CFHR5: variants seen among roughly 807,000 people sequenced by gnomAD.
CFHR5 encodes the protein complement factor H related 5.
A neutral mutation model predicts 62.9 loss-of-function variants in CFHR5; 73 were observed. The observed-to-expected ratio is 1.16, with a 90% CI of 0.96 to 1.41. CFHR5 has a LOEUF of 1.41. CFHR5 is among the 40% of genes most tolerant of loss of function. The pLI is 0.00. For synonymous variants in CFHR5, 249 were observed against 227.2 expected, an observed-to-expected ratio of 1.10 and a Z score of -0.86; for missense variants, 779 against 679.9, an observed-to-expected ratio of 1.15 and a Z score of -1.62.
rs576772235 is a variant in CFHR5, at chr1:196,998,888, G to A, written c.1147+584G>A. Among the ~76,000 whole-genome samples, 99 of 152,018 alleles carry A rather than the reference G, an allele frequency of 6.5e-4. No homozygotes were observed. In the Middle Eastern group the frequency reaches 0.01, roughly 16 times the overall value. On this transcript the variant is annotated intron_variant, in intron 7 of 9. Coordinates refer to ENST00000256785, the MANE Select transcript of CFHR5 (RefSeq NM_030787.4). ...GAAAACAAAGTGCTTATAAAGGAAT[G>A]ACAATAAAAGAGAGAAGATAGACTG...
At chr1:196,987,610 T>G (rs1653727911) in intron 3 of CFHR5, among the ~76,000 whole-genome samples, 1 of 152,218 alleles carries the variant, frequency 6.6e-6, no homozygotes, top group South Asian at 2.1e-4. Flanking sequence ...CACCATTTAT[T>G]AAATAGGGAA....
chr1:196,995,857 CAAT>C lies in CFHR5; in HGVS notation c.749_751del (p.Gln250_Cys251delinsArg), dbSNP rs1242626142. On this transcript the variant is annotated inframe_deletion, in exon 5 of 10. Transcript: ENST00000256785. ...TATAATAAACGGGCCTAAGAAAATA[CAAT>C]GTGTGGATGGAGAATGGACAACTTT... The C allele has an allele frequency of 1.2e-6, 2 of 1,613,222 alleles. No individual in the cohort carries two copies. Among genetic ancestry groups the C allele is most frequent in the Admixed American group, 3.3e-5 (2 of 59,934 alleles).
chr1:196,997,803 T>A (rs1654034152), intron 6 of CFHR5, among the ~76,000 whole-genome samples: 1 of 152,172 alleles, frequency 6.6e-6, no homozygotes, highest in Non-Finnish European at 1.5e-5. Context: ...AAAACAATCA[T>A]ACATGTGTAC....
chr1:196,982,072 G>T (rs1653557040), intron 1 of CFHR5, among the ~76,000 whole-genome samples: 1 of 150,898 alleles, frequency 6.6e-6, no homozygotes, highest in Non-Finnish European at 1.5e-5. Flanking sequence ...AAAGTAATCA[G>T]AATATTAATA....
chr1:196,989,130 C>A (rs1182687414), intron 3 of CFHR5, among the ~76,000 whole-genome samples: 20 of 152,206 alleles, frequency 1.3e-4, no homozygotes, highest in African/African-American at 4.8e-4. Context: ...TTATCCATTT[C>A]TTCTAGATTT....
intron 3 of CFHR5, among the ~76,000 whole-genome samples, chr1:196,988,995 G>A (rs1417713284): frequency 1.3e-5 from 2 of 151,564 alleles, no homozygotes; most frequent in African/African-American, 4.9e-5. Context: ...GAATCTGTCT[G>A]GTCCTGAACT....
chr1:196,975,511 A>G (rs1326805415), upstream of CFHR5, among the ~76,000 whole-genome samples: 2 of 152,220 alleles, frequency 1.3e-5, no homozygotes, highest in Non-Finnish European at 2.9e-5. Flanking sequence ...TCTGGTAGAG[A>G]CCATAACAAG....
chr1:197,006,998 G>A (rs141105172), intron 9 of CFHR5, among the ~76,000 whole-genome samples: 2,038 of 151,670 alleles, frequency 0.013, 42 homozygotes, highest in African/African-American at 0.045. Context: ...CACCATGCCC[G>A]GCTAATTTTT....
At chr1:196,991,305 C>A (rs1012767048) in intron 3 of CFHR5, among the ~76,000 whole-genome samples, 1 of 152,088 alleles carries the variant, frequency 6.6e-6, no homozygotes, top group Non-Finnish European at 1.5e-5. Context: ...GCGATGGGTT[C>A]AAACATCCTC....
intron 4 of CFHR5, among the ~76,000 whole-genome samples, chr1:196,994,729 C>G (rs996124428): frequency 2.0e-5 from 3 of 152,064 alleles, no homozygotes; most frequent in Non-Finnish European, 2.9e-5. Flanking sequence ...TCCCTTTTCA[C>G]AATGCTGATA....
intron 7 of CFHR5, among the ~76,000 whole-genome samples, chr1:197,000,085 T>G (rs1333733487): frequency 1.3e-5 from 2 of 151,494 alleles, no homozygotes; most frequent in Non-Finnish European, 2.9e-5. Context: ...AAAACTGAAA[T>G]ACAGGGAATA....
chr1:196,990,867 A>AT (rs1433843749), intron 3 of CFHR5, among the ~76,000 whole-genome samples: 1 of 151,860 alleles, frequency 6.6e-6, no homozygotes, highest in Non-Finnish European at 1.5e-5. Context: ...CTCGAGGAGT[A>AT]TTTTTTTGGT....
intron 7 of CFHR5, among the ~76,000 whole-genome samples, chr1:197,000,533 G>C (rs1416216152): frequency 6.6e-6 from 1 of 152,152 alleles, no homozygotes; most frequent in Non-Finnish European, 1.5e-5. Context: ...AATAGTATAT[G>C]TGTGATATTT....
chr1:196,992,607 C>T (rs1316676232), intron 3 of CFHR5, among the ~76,000 whole-genome samples: 1 of 152,154 alleles, frequency 6.6e-6, no homozygotes, highest in East Asian at 1.9e-4. Context: ...TCTTCTGCAT[C>T]GATCACGCTG....
At chr1:196,981,969 T>C (rs1272543490) in intron 1 of CFHR5, among the ~76,000 whole-genome samples, 1 of 152,106 alleles carries the variant, frequency 6.6e-6, no homozygotes, top group Non-Finnish European at 1.5e-5. Flanking sequence ...TACCAGAATT[T>C]AGCTCTAATT....
At chr1:196,994,301 A>G (rs1225813040) in intron 4 of CFHR5, 45 bp downstream of exon 4, 3 of 1,414,142 alleles carry the variant, frequency 2.1e-6, no homozygotes, top group East Asian at 2.3e-5. Context: ...TTTGATTTTT[A>G]TAATAATGCC....
intron 7 of CFHR5, among the ~76,000 whole-genome samples, chr1:196,998,741 G>A (rs905417859): frequency 1.3e-5 from 2 of 151,992 alleles, no homozygotes; most frequent in Admixed American, 6.6e-5. Flanking sequence ...ATTTCCCTAA[G>A]AAAAAGTCTC....
rs934983906 is a variant in CFHR5, at chr1:196,983,078, C to A, written c.252C>A (p.Leu84=). The A allele has an allele frequency of 6.2e-7, 1 of 1,613,822 alleles. No individual in the cohort carries two copies. Among genetic ancestry groups the A allele is most frequent in the Non-Finnish European group, 8.5e-7 (1 of 1,179,962 alleles). Residue 84 remains leucine (L), a splice_region_variant and synonymous_variant, in exon 2 of 10, where the codon CTC becomes CTA. Coordinates refer to ENST00000256785, the MANE Select transcript of CFHR5 (RefSeq NM_030787.4). The part of the protein sequence containing the change: ...EEGWSPTPKC[L]RMCSFPFVKN... ...GATGGTCACCAACACCGAAGTGTCT[C>A]AGTGAGTAAATGCCCTGTTCATTAA... is the stretch of plus-strand genomic sequence containing the variant.
In CFHR5 at chr1:196,989,333, T is replaced by C. The variant is rs371740347; in HGVS notation, c.431-4747T>C. On this transcript the variant is annotated intron_variant, in intron 3 of 9. Coordinates refer to ENST00000256785, the MANE Select transcript of CFHR5 (RefSeq NM_030787.4). ...TTCAAAAAACCAGCTCCTGGATTCA[T>C]TGATTTTCTGAAGGGCTTTTGTTGT... is the stretch of plus-strand genomic sequence containing the variant. Among the ~76,000 whole-genome samples, 768 of 152,266 alleles carry C rather than the reference T, an allele frequency of 5.0e-3. 10 individuals are homozygous for C. Among genetic ancestry groups the C allele is most frequent in the Non-Finnish European group, 8.6e-3 (583 of 68,016 alleles).
Sources: allele counts gnomAD v4.1 joint callset (sites outside exome capture counted in the v4.1 genomes callset), GRCh38; gene constraint gnomAD v4.1.1; transcripts MANE v1.5; gene names NCBI Gene and HGNC (gene_info 2026-07-23, HGNC 2026-07-21).